Variants in NTRK3 observed in about 807,000 individuals in gnomAD.
NTRK3 encodes the protein neurotrophic receptor tyrosine kinase 3.
NTRK3 carries 24 observed loss-of-function variants against 91.7 expected under a neutral mutation model. The observed-to-expected ratio is 0.26, with a 90% CI of 0.19 to 0.37. The LOEUF (loss-of-function observed/expected upper bound fraction) is 0.37, where lower values mean the gene tolerates loss of function less well. NTRK3 is among the 10% of genes least tolerant of loss of function. NTRK3 has a pLI of 1.00. For missense variants in NTRK3, 880 were observed against 1,068.9 expected (o/e 0.82, Z 2.46); for synonymous variants, 483 against 404.0 (o/e 1.20, Z -2.34).
intron 13 of NTRK3, among the ~76,000 whole-genome samples, chr15:88,094,453 G>C (rs2049367461): frequency 7.0e-6 from 1 of 142,106 alleles, no homozygotes; most frequent in South Asian, 2.2e-4. Flanking sequence ...TCCCGACTGG[G>C]CGACAGAGCG....
chr15:88,256,133 T>C (rs2054033800), exon 3 of NTRK3: 1 of 1,553,274 alleles, frequency 6.4e-7, no homozygotes, highest in South Asian at 1.1e-5. Context: ...TACACTTGGC[T>C]GGGCAAAGAG....
At chr15:88,074,733 T>C (rs996563217) in intron 13 of NTRK3, among the ~76,000 whole-genome samples, 2 of 152,158 alleles carry the variant, frequency 1.3e-5, no homozygotes, top group Non-Finnish European at 2.9e-5. Context: ...ATTTCTACCA[T>C]CAAACTAGAG....
At chr15:88,144,395 G>A (rs547306732) in intron 6 of NTRK3, among the ~76,000 whole-genome samples, 34 of 152,306 alleles carry the variant, frequency 2.2e-4, no homozygotes, top group African/African-American at 8.2e-4. Flanking sequence ...AAATAAATGA[G>A]AGAAAGTAGA....
Position 88,234,056 on chromosome 15 carries a change from G to A in NTRK3, c.248+21850C>T, listed in dbSNP as rs948071549. On this transcript the variant is annotated intron_variant, in intron 3 of 18. Coordinates refer to ENST00000394480, the Ensembl canonical transcript of NTRK3. This position sits in a 1 kb window ranked among gnomAD's most constrained non-coding sequence, Gnocchi z 6.1. ...GCCACCATGCACCTCGATGCCTCTC[G>A]GGTGGGACCAAGCCTTCTTCTCATG... is the stretch of plus-strand genomic sequence containing the variant. Among the ~76,000 whole-genome samples, 9 of 151,982 alleles carry A rather than the reference G, an allele frequency of 5.9e-5. No homozygotes were observed. The highest frequency in any genetic ancestry group is 3.9e-4 in the Admixed American group (6 of 15,262).
intron 13 of NTRK3, among the ~76,000 whole-genome samples, chr15:88,102,945 T>G (rs2050329138): frequency 6.6e-6 from 1 of 152,164 alleles, no homozygotes; most frequent in Non-Finnish European, 1.5e-5. Context: ...ACTCACAGCC[T>G]TTGGTAGTAA....
At chr15:88,075,074 T>A (rs1486257544) in intron 13 of NTRK3, among the ~76,000 whole-genome samples, 1 of 152,188 alleles carries the variant, frequency 6.6e-6, no homozygotes, top group Non-Finnish European at 1.5e-5. Flanking sequence ...ATTTCCACCT[T>A]AAACAATATC....
chr15:88,164,374 T>C (rs1013050129), intron 5 of NTRK3, among the ~76,000 whole-genome samples: 1 of 152,216 alleles, frequency 6.6e-6, no homozygotes, highest in African/African-American at 2.4e-5. Flanking sequence ...CAGATACAAG[T>C]GACACTGGAG....
At chr15:87,876,881 T>C in exon 19 of NTRK3, 1 of 1,589,250 alleles carries the variant, frequency 6.3e-7, no homozygotes, top group Non-Finnish European at 8.6e-7. Flanking sequence ...AAGGGAGATG[T>C]GAGGCAGGGA....
chr15:88,170,655 T>C (rs1429782112), intron 5 of NTRK3, among the ~76,000 whole-genome samples: 1 of 152,182 alleles, frequency 6.6e-6, no homozygotes, highest in African/African-American at 2.4e-5. Flanking sequence ...TAACAACATG[T>C]TGACCACGAC....
Position 88,254,882 on chromosome 15 carries a change from G to T in NTRK3, c.248+1024C>A, listed in dbSNP as rs562148150. Among the ~76,000 whole-genome samples the T allele has an allele frequency of 8.5e-4, 129 of 152,282 alleles. 1 individual carries two copies. The highest frequency in any genetic ancestry group is 3.0e-3 in the African/African-American group (125 of 41,562). On this transcript the variant is annotated intron_variant, in intron 3 of 18. Transcript: ENST00000394480. ...TCCACACCCTTCTCCAGGGTGGTAG[G>T]TTAGGAAGGGGTCACCTGGCCGAGG...
intron 14 of NTRK3, among the ~76,000 whole-genome samples, chr15:87,967,223 G>T (rs957887854): frequency 6.6e-6 from 1 of 152,138 alleles, no homozygotes; most frequent in Non-Finnish European, 1.5e-5. Context: ...CCACAGAAGG[G>T]CAGTTCTTGC....
At chr15:87,941,523 A>G (rs2069851597) in intron 14 of NTRK3, among the ~76,000 whole-genome samples, 2 of 152,228 alleles carry the variant, frequency 1.3e-5, no homozygotes, top group Admixed American at 6.5e-5. Context: ...TTGTGGTAAC[A>G]TAAAGGCTGT....
Position 88,160,759 on chromosome 15 carries a change from G to A in NTRK3, c.396-13356C>T, listed in dbSNP as rs146790813. Among the ~76,000 whole-genome samples the A allele has an allele frequency of 3.3e-5, 5 of 152,320 alleles. No individual in the cohort carries two copies. In the East Asian group the frequency reaches 9.7e-4, roughly 29 times the overall value. On this transcript the variant is annotated intron_variant, in intron 5 of 18. Coordinates refer to ENST00000394480, the Ensembl canonical transcript of NTRK3. ...ACAGTGGAGAAAGCCCCATCCAAGT[G>A]TATGATGGAGAAGCTCATTCTTTCC...
At chr15:88,002,164 GGTTGTTT>G in intron 14 of NTRK3, among the ~76,000 whole-genome samples, 1 of 131,222 alleles carries the variant, frequency 7.6e-6, no homozygotes, top group African/African-American at 3.2e-5. Context: ...GAAGGATAGT[GGTTGTTT>G]TTTTTTTTTT....
intron 14 of NTRK3, among the ~76,000 whole-genome samples, chr15:87,950,984 A>G (rs2071055031): frequency 6.6e-6 from 1 of 152,202 alleles, no homozygotes; most frequent in African/African-American, 2.4e-5. Flanking sequence ...TTAGTCTGAT[A>G]TTTGAGAATT....
chr15:88,095,279 AG>A (rs1232544425), intron 13 of NTRK3, among the ~76,000 whole-genome samples: 3 of 152,256 alleles, frequency 2.0e-5, no homozygotes, highest in Admixed American at 2.0e-4. Flanking sequence ...GTCTCAACAA[AG>A]ATGGCTTTAG....
intron 17 of NTRK3, among the ~76,000 whole-genome samples, chr15:87,892,607 A>T (rs996115816): frequency 5.9e-5 from 9 of 152,186 alleles, no homozygotes; most frequent in African/African-American, 2.2e-4. Flanking sequence ...TTTTTTGTGC[A>T]TCACTAATAA....
intron 13 of NTRK3, among the ~76,000 whole-genome samples, chr15:88,110,608 C>T (rs936298986): frequency 2.6e-5 from 4 of 152,102 alleles, no homozygotes; most frequent in African/African-American, 9.7e-5. Context: ...TGAGCAAACA[C>T]AACAGTCTAC....
At chr15:88,207,138 A>G (rs1475417783) in intron 3 of NTRK3, among the ~76,000 whole-genome samples, 1 of 152,196 alleles carries the variant, frequency 6.6e-6, no homozygotes, top group Admixed American at 6.5e-5. Context: ...CCCTCGGGCC[A>G]GGAGCTCAAT....
Sources: allele counts gnomAD v4.1 joint callset (sites outside exome capture counted in the v4.1 genomes callset), GRCh38; gene constraint gnomAD v4.1.1; non-coding constraint Gnocchi (gnomAD v3.1); transcripts MANE v1.5; gene names NCBI Gene and HGNC (gene_info 2026-07-23, HGNC 2026-07-21).